The following CEP120 variants were observed in gnomAD, a reference collection of about 807,000 sequenced individuals.
CEP120 encodes centrosomal protein 120.
CEP120 carries 113 observed loss-of-function variants against 126.5 expected under a neutral mutation model. The ratio of observed to expected loss-of-function variants is 0.89; its 90% confidence interval spans 0.77 to 1.04. The LOEUF is 1.04. Among genes scored for constraint, CEP120 ranks in the 50% least tolerant of loss-of-function variants. The pLI is 0.00. For synonymous variants in CEP120, 400 were observed against 394.3 expected, an observed-to-expected ratio of 1.01 and a Z score of -0.17; for missense variants, 1,230 against 1,155.7, an observed-to-expected ratio of 1.06 and a Z score of -0.93.
At chr5:123,358,618 T>G (rs1769832753) in intron 18 of CEP120, among the ~76,000 whole-genome samples, 1 of 152,096 alleles carries the variant, frequency 6.6e-6, no homozygotes, top group African/African-American at 2.4e-5. Flanking sequence ...TTTGATAAAT[T>G]TTAACATTTT....
intron 4 of CEP120, among the ~76,000 whole-genome samples, chr5:123,399,723 T>A (rs544499218): frequency 3.9e-5 from 6 of 152,060 alleles, no homozygotes; most frequent in African/African-American, 1.2e-4. Context: ...GACACAGGCA[T>A]AGGGTGCCAG....
chr5:123,368,479 T>C (rs1246989709), intron 17 of CEP120, among the ~76,000 whole-genome samples: 2 of 151,940 alleles, frequency 1.3e-5, no homozygotes, highest in African/African-American at 4.8e-5. Context: ...AGTTCACTGG[T>C]AGAAAAATGA....
chr5:123,364,907 T>A (rs535994451), intron 17 of CEP120, among the ~76,000 whole-genome samples: 81 of 151,754 alleles, frequency 5.3e-4, no homozygotes, highest in Non-Finnish European at 9.2e-4. Context: ...AGAAATACAT[T>A]CATTTTTTAC....
chr5:123,388,353 T>G (rs1772161138), intron 9 of CEP120, 79 bp downstream of exon 9: 2 of 978,348 alleles, frequency 2.0e-6, no homozygotes, highest in East Asian at 2.7e-5. Flanking sequence ...TTTGGTGACA[T>G]TTCTCTCTGC....
At chr5:123,355,503 T>C (rs1327290525) in intron 18 of CEP120, among the ~76,000 whole-genome samples, 5 of 152,036 alleles carry the variant, frequency 3.3e-5, no homozygotes, top group Admixed American at 6.5e-5. Flanking sequence ...TAGTATCTCA[T>C]TGTGGCTTTG....
chr5:123,410,785 T>C (rs761696866), intron 4 of CEP120, among the ~76,000 whole-genome samples: 5 of 152,192 alleles, frequency 3.3e-5, no homozygotes, highest in Admixed American at 6.5e-5. Flanking sequence ...CAACAATTTT[T>C]CAGATACAAC....
At chr5:123,370,612 G>A (rs894511135) in intron 17 of CEP120, among the ~76,000 whole-genome samples, 1 of 150,640 alleles carries the variant, frequency 6.6e-6, no homozygotes, top group Admixed American at 6.6e-5. Context: ...TGAGTAGCTG[G>A]GACAACAGGT....
chr5:123,356,423 A>G (rs1266841534), intron 18 of CEP120, among the ~76,000 whole-genome samples: 1 of 152,124 alleles, frequency 6.6e-6, no homozygotes, highest in East Asian at 1.9e-4. Context: ...ATGTTCTTAT[A>G]TTTAAGGTGT....
chr5:123,365,346 T>G (rs1207527643), intron 17 of CEP120, among the ~76,000 whole-genome samples: 1 of 151,764 alleles, frequency 6.6e-6, no homozygotes, highest in African/African-American at 2.4e-5. Flanking sequence ...TACTCAGTGT[T>G]TCAAACCAAG....
intron 17 of CEP120, among the ~76,000 whole-genome samples, chr5:123,367,117 A>G (rs1770521259): frequency 6.6e-6 from 1 of 151,832 alleles, no homozygotes; most frequent in Admixed American, 6.6e-5. Flanking sequence ...GTAATCTCCC[A>G]ATTACTTTAC....
rs1554106709 is a variant in CEP120, at chr5:123,419,556, A to AAC, written c.50-1042_50-1041insGT. Among the ~76,000 whole-genome samples the AAC allele has an allele frequency of 5.4e-4, 72 of 133,840 alleles. 1 individual carries two copies. Among genetic ancestry groups the AAC allele is most frequent in the Admixed American group, 2.1e-3 (29 of 13,888 alleles). The allele number at this position is 133,840 out of a possible 152,430, so 87.8% of individuals were successfully genotyped here. On this transcript the variant is annotated intron_variant, in intron 1 of 19. Coordinates refer to ENST00000306467, the MANE Select transcript of CEP120 (RefSeq NM_001375405.1). ...CAAAAAAAAACAAAAACAAAAACAA[A>AAC]AAAAAAAAAACAGAATACTTTCCAA...
chr5:123,420,066 T>TTAAA (rs1562103212), intron 1 of CEP120, among the ~76,000 whole-genome samples: 1 of 152,176 alleles, frequency 6.6e-6, no homozygotes, highest in Non-Finnish European at 1.5e-5. Flanking sequence ...ACCTTGTGAG[T>TTAAA]TAAAGCCTGA....
intron 16 of CEP120, among the ~76,000 whole-genome samples, chr5:123,376,534 G>A (rs1771240118): frequency 6.6e-6 from 1 of 152,082 alleles, no homozygotes; most frequent in Non-Finnish European, 1.5e-5. Flanking sequence ...TTAAAGAGGA[G>A]AGTATCAAGA....
At position 123,386,481 on chromosome 5, in the gene CEP120, AAATT is replaced by A. The variant is rs771172008; in HGVS notation, c.1580+33_1580+36del. 7.9e-5 allele frequency: 105 copies of A among 1,320,908 alleles called. 1 individual carries two copies. The highest frequency in any genetic ancestry group is 6.2e-4 in the Admixed American group (21 of 33,860). 81.8% of individuals were successfully genotyped at this position (1,320,908 alleles called of 1,614,324 possible). ...AATACAAATTTTCAAGAATTGACTT[AAATT>A]AATTAATATCATACATACACTGTAT... On this transcript the variant is annotated intron_variant, in intron 10 of 19. Transcript: ENST00000306467.
intron 4 of CEP120, 137 bp downstream of exon 4, chr5:123,412,262 T>C (rs993582815): frequency 1.4e-5 from 10 of 696,386 alleles, no homozygotes; most frequent in South Asian, 1.4e-4. Context: ...AAGTGCTGCA[T>C]GTGTAACAAT....
chr5:123,354,217 T>C (rs1769402816), intron 18 of CEP120, among the ~76,000 whole-genome samples: 1 of 152,124 alleles, frequency 6.6e-6, no homozygotes, highest in Admixed American at 6.6e-5. Context: ...TTGGGGACAT[T>C]TCTTATTATC....
intron 7 of CEP120, 172 bp downstream of exon 7, chr5:123,390,938 C>T (rs1490138407): frequency 1.2e-5 from 7 of 594,376 alleles, no homozygotes; most frequent in Non-Finnish European, 1.2e-5. Flanking sequence ...CACTTATAAA[C>T]CATAACAGAA....
chr5:123,414,762 C>T (rs1041100218), intron 3 of CEP120, among the ~76,000 whole-genome samples: 3 of 151,526 alleles, frequency 2.0e-5, no homozygotes, highest in Admixed American at 6.6e-5. Context: ...GTCAGGAGAT[C>T]GAGACCATCC....
intron 17 of CEP120, among the ~76,000 whole-genome samples, chr5:123,367,737 A>G (rs1269554769): frequency 1.3e-5 from 2 of 152,002 alleles, no homozygotes; most frequent in Non-Finnish European, 1.5e-5. Context: ...TGCTAAAACT[A>G]TATGTTTATG....
Sources: gnomAD v4.1 joint callset for allele counts (sites outside exome capture counted in the v4.1 genomes callset) on GRCh38, gnomAD v4.1.1 for gene constraint, MANE v1.5 for transcripts, NCBI Gene and HGNC (gene_info 2026-07-23, HGNC 2026-07-21) for gene names.